Variants in DDX4 observed in about 807,000 individuals in gnomAD.
DDX4 encodes DEAD-box helicase 4.
DDX4 carries 25 observed loss-of-function variants against 100.0 expected under a neutral mutation model. The ratio of observed to expected loss-of-function variants is 0.25; its 90% CI spans 0.18 to 0.35. The LOEUF (loss-of-function observed/expected upper bound fraction) is 0.35. Among genes scored for constraint, DDX4 ranks in the 10% least tolerant of loss-of-function variants. The pLI, the probability that DDX4 is intolerant of heterozygous loss-of-function variation, is 1.00. For synonymous variants in DDX4, 259 were observed against 275.7 expected, an observed-to-expected ratio of 0.94 and a Z score of 0.60; for missense variants, 635 against 882.4, an observed-to-expected ratio of 0.72 and a Z score of 3.55.
At chr5:55,785,641 A>T (rs1196097576) in intron 12 of DDX4, 88 bp from the exon 13 acceptor site, 1 of 1,347,834 alleles carries the variant, frequency 7.4e-7, no homozygotes, top group Non-Finnish European at 1.0e-6. Flanking sequence ...AGTATTTAAA[A>T]TTTGATCTTG....
At chr5:55,739,151 A>G in intron 2 of DDX4, 119 bp downstream of exon 2, 1 of 666,642 alleles carries the variant, frequency 1.5e-6, no homozygotes, top group Non-Finnish European at 2.6e-6. Flanking sequence ...TGTGATTGTT[A>G]TTAACTATTA....
intron 18 of DDX4, among the ~76,000 whole-genome samples, chr5:55,801,070 CA>C (rs1277341337): frequency 1.3e-5 from 2 of 152,006 alleles, no homozygotes; most frequent in Non-Finnish European, 2.9e-5. Context: ...TACAGCTAGT[CA>C]AAAGGAGAAT....
Position 55,792,664 on chromosome 5 carries a change from C to A in DDX4, c.1326C>A (p.Tyr442Ter). ...KEKIGLKQIK[Y>*]LVLDEADRML... is the part of the protein sequence containing the mutation. ...AGATTGGTCTCAAACAGATCAAATA[C>A]TTAGTTTTGGATGAAGCTGATCGCA... Residue 442 changes from tyrosine (Y) to a stop codon, truncating the protein, a stop_gained, in exon 17 of 22, where the codon TAC becomes TAA. Transcript: ENST00000505374. LOFTEE classifies it high-confidence loss of function. 1 of 1,585,324 alleles carries A rather than the reference C, an allele frequency of 6.3e-7. No homozygotes were observed. The highest frequency in any genetic ancestry group is 1.1e-5 in the South Asian group (1 of 87,228).
chr5:55,786,401 C>T, intron 13 of DDX4, 117 bp from the exon 14 acceptor site: 1 of 703,404 alleles, frequency 1.4e-6, no homozygotes, highest in Non-Finnish European at 2.3e-6. Context: ...ACTAAAGTCA[C>T]TTTAGTATAT....
At chr5:55,779,032 G>GC in intron 7 of DDX4, among the ~76,000 whole-genome samples, 2 of 152,276 alleles carry the variant, frequency 1.3e-5, no homozygotes, top group Admixed American at 1.3e-4. Context: ...CAGGATATTG[G>GC]CTTGTTGGAT....
chr5:55,761,094 T>C (rs1335530697), intron 4 of DDX4, among the ~76,000 whole-genome samples: 4 of 152,190 alleles, frequency 2.6e-5, no homozygotes, highest in Admixed American at 2.6e-4. Flanking sequence ...TTAATTTCTT[T>C]AGATACAATA....
At position 55,780,059 on chromosome 5, in the gene DDX4, A is replaced by C; in HGVS notation, c.490A>C (p.Ser164Arg). 1 of 1,613,812 alleles carries C rather than the reference A, an allele frequency of 6.2e-7. No homozygotes were observed. The highest frequency in any genetic ancestry group is 1.3e-5 in the African/African-American group (1 of 75,046). ...RGCRGGFGLG[S>R]PNNDLDPDEC... ...TTGCCGTGGAGGATTTGGTCTAGGA[A>C]GTCCAAGTTAGTACTGGATTTGCAA... The change falls in exon 8 of 22, where the codon AGT becomes CGT. Residue 164 changes from serine (S) to arginine (R), a missense_variant. Coordinates refer to ENST00000505374, the MANE Select transcript of DDX4 (RefSeq NM_024415.3).
chr5:55,785,648 C>G (rs72761933), intron 12 of DDX4, 81 bp from the exon 13 acceptor site: 59,014 of 1,355,566 alleles, frequency 0.044, 1,644 homozygotes, highest in African/African-American at 0.12. Flanking sequence ...AAAATTTGAT[C>G]TTGTCAATTT....
At chr5:55,764,345 G>T (rs866044084) in intron 6 of DDX4, among the ~76,000 whole-genome samples, 1 of 152,258 alleles carries the variant, frequency 6.6e-6, no homozygotes, top group South Asian at 2.1e-4. Flanking sequence ...AAAAGAAGTA[G>T]TCAAGAAGTG....
chr5:55,782,091 G>T (rs974293762), intron 10 of DDX4, 110 bp downstream of exon 10: 20 of 1,294,552 alleles, frequency 1.5e-5, no homozygotes, highest in Admixed American at 2.0e-5. Context: ...GAAGTTAAAG[G>T]TAACTGTTAT....
chr5:55,806,572 T>A (rs1333985668), intron 18 of DDX4, among the ~76,000 whole-genome samples: 1 of 152,238 alleles, frequency 6.6e-6, no homozygotes, highest in Non-Finnish European at 1.5e-5. Context: ...CTGCCTTCAT[T>A]TTGTTATGTA....
chr5:55,803,370 A>C (rs1743451186), intron 18 of DDX4, among the ~76,000 whole-genome samples: 1 of 150,110 alleles, frequency 6.7e-6, no homozygotes, highest in Non-Finnish European at 1.5e-5. Flanking sequence ...ACATGTGCAC[A>C]ATGTGCAGGT....
At chr5:55,756,877 C>G (rs1242346125) in intron 3 of DDX4, among the ~76,000 whole-genome samples, 1 of 151,788 alleles carries the variant, frequency 6.6e-6, no homozygotes. Flanking sequence ...ATTTTTATTG[C>G]TATGTATAAT....
chr5:55,766,898 A>C (rs1740957756), intron 6 of DDX4: 2 of 1,515,550 alleles, frequency 1.3e-6, no homozygotes, highest in Admixed American at 2.1e-5. Flanking sequence ...CATTTCGAAA[A>C]ATCATTCCTT....
rs1740989370 is a variant in DDX4, at chr5:55,767,364, C to G, written c.335-517C>G. Reference sequence around the variant, plus strand: ...GCTGAGGTGGGGATAATCGCTTGAACCCGGGAGGCGGAGGTTGCAGTGAGC... The same window carrying G: ...GCTGAGGTGGGGATAATCGCTTGAAGCCGGGAGGCGGAGGTTGCAGTGAGC... On this transcript the variant is annotated intron_variant, in intron 6 of 21. Coordinates refer to ENST00000505374, the MANE Select transcript of DDX4 (RefSeq NM_024415.3). Among the ~76,000 whole-genome samples the G allele has an allele frequency of 2.0e-5, 3 of 152,212 alleles. No homozygotes were observed. The South Asian group carries it at 6.2e-4, about 31-fold the overall frequency.
intron 18 of DDX4, among the ~76,000 whole-genome samples, chr5:55,813,021 C>T (rs1259939642): frequency 6.6e-6 from 1 of 152,010 alleles, no homozygotes; most frequent in Admixed American, 6.6e-5. Flanking sequence ...TCTTCTCCAA[C>T]ATTTTATAGG....
At chr5:55,797,790 T>C (rs541505505) in intron 17 of DDX4, among the ~76,000 whole-genome samples, 46 of 152,330 alleles carry the variant, frequency 3.0e-4, no homozygotes, top group Middle Eastern at 3.4e-3. Flanking sequence ...TGTCAAGATA[T>C]TGATACCCTT....
intron 3 of DDX4, among the ~76,000 whole-genome samples, chr5:55,755,873 C>T (rs1034362965): frequency 3.3e-5 from 5 of 152,156 alleles, no homozygotes; most frequent in African/African-American, 7.2e-5. Flanking sequence ...TTATTAACAG[C>T]ACCCTTGAAG....
intron 10 of DDX4, among the ~76,000 whole-genome samples, chr5:55,782,777 A>T (rs2111991723): frequency 6.7e-6 from 1 of 149,868 alleles, no homozygotes; most frequent in East Asian, 1.9e-4. Flanking sequence ...ATAATTTTTT[A>T]CTCTTAAAGT....
Sources: allele counts gnomAD v4.1 joint callset (sites outside exome capture counted in the v4.1 genomes callset), GRCh38; gene constraint gnomAD v4.1.1; transcripts MANE v1.5; gene names NCBI Gene and HGNC (gene_info 2026-07-23, HGNC 2026-07-21).